GMDS: variants seen among roughly 807,000 people sequenced by gnomAD.
GMDS encodes GDP-mannose 4,6-dehydratase.
GMDS carries 20 observed loss-of-function variants against 49.9 expected under a neutral mutation model. The observed-to-expected ratio is 0.40, with a 90% CI of 0.28 to 0.58. The LOEUF (loss-of-function observed/expected upper bound fraction) is 0.58, where lower values mean the gene tolerates loss of function less well. GMDS is among the 20% of genes least tolerant of loss of function. GMDS has a pLI of 0.42. For missense variants in GMDS, 362 were observed against 481.4 expected, an observed-to-expected ratio of 0.75 and a Z score of 2.32; for synonymous variants, 177 against 178.6, an observed-to-expected ratio of 0.99 and a Z score of 0.07.
intron 7 of GMDS, among the ~76,000 whole-genome samples, chr6:1,781,104 C>T (rs564173320): frequency 4.6e-5 from 7 of 152,208 alleles, no homozygotes; most frequent in South Asian, 4.2e-4. Flanking sequence ...CGAAGGACAC[C>T]GAGAAGGCAC....
intron 1 of GMDS, among the ~76,000 whole-genome samples, chr6:2,208,474 C>T (rs1348657770): frequency 6.6e-6 from 1 of 152,166 alleles, no homozygotes; most frequent in African/African-American, 2.4e-5. Flanking sequence ...GATCGCCAGT[C>T]CATACTTTTT....
chr6:1,964,819 C>A (rs1313947801), intron 4 of GMDS, among the ~76,000 whole-genome samples: 1 of 152,114 alleles, frequency 6.6e-6, no homozygotes, highest in Non-Finnish European at 1.5e-5. Flanking sequence ...CTAAAGCTAT[C>A]CCTCCCCCTA....
At chr6:1,629,617 A>G (rs1762939329) in intron 9 of GMDS, among the ~76,000 whole-genome samples, 2 of 152,176 alleles carry the variant, frequency 1.3e-5, no homozygotes, top group South Asian at 2.1e-4. Context: ...GCAATCAGCG[A>G]CGGTGTAGAC....
chr6:2,065,630 G>A (rs996514704), intron 4 of GMDS, among the ~76,000 whole-genome samples: 13 of 152,262 alleles, frequency 8.5e-5, no homozygotes, highest in African/African-American at 3.1e-4. Context: ...GAATGCAGAA[G>A]CCTCAGGAGC....
intron 7 of GMDS, among the ~76,000 whole-genome samples, chr6:1,924,941 G>A (rs1280023399): frequency 2.2e-5 from 3 of 133,700 alleles, no homozygotes; most frequent in African/African-American, 7.7e-5. Flanking sequence ...CCGGGCGACG[G>A]CGAGACTCCG....
intron 1 of GMDS, among the ~76,000 whole-genome samples, chr6:2,133,932 G>A (rs1431644408): frequency 6.6e-6 from 1 of 152,182 alleles, no homozygotes; most frequent in Non-Finnish European, 1.5e-5. Flanking sequence ...ACTGGGGATA[G>A]GCACACCTGG....
chr6:2,142,903 G>T (rs1447069946), intron 1 of GMDS, among the ~76,000 whole-genome samples: 2 of 152,108 alleles, frequency 1.3e-5, no homozygotes, highest in Non-Finnish European at 2.9e-5. Flanking sequence ...GGCATAAGCT[G>T]CTGGTCCTTC....
At chr6:1,701,802 A>C (rs1765553018) in intron 9 of GMDS, among the ~76,000 whole-genome samples, 1 of 152,096 alleles carries the variant, frequency 6.6e-6, no homozygotes, top group African/African-American at 2.4e-5. Flanking sequence ...TATTTCTGTA[A>C]GTTTAAAGTA....
chr6:2,204,502 A>C (rs565394252), intron 1 of GMDS, among the ~76,000 whole-genome samples: 83 of 152,342 alleles, frequency 5.4e-4, no homozygotes, highest in Admixed American at 1.4e-3. Flanking sequence ...TGCATTTACA[A>C]GCTCACCTTC....
At chr6:1,843,039 G>A (rs1183296963) in intron 7 of GMDS, among the ~76,000 whole-genome samples, 1 of 151,836 alleles carries the variant, frequency 6.6e-6, no homozygotes, top group Non-Finnish European at 1.5e-5. Flanking sequence ...CCAGGAGGCG[G>A]AGGTTGCAGT....
chr6:1,797,173 T>A (rs772731161), intron 7 of GMDS, among the ~76,000 whole-genome samples: 1 of 152,212 alleles, frequency 6.6e-6, no homozygotes, highest in Non-Finnish European at 1.5e-5. Flanking sequence ...TGAACCCTAC[T>A]GTGAACTGCA....
At chr6:1,634,522 T>C (rs1480543374) in intron 9 of GMDS, among the ~76,000 whole-genome samples, 1 of 152,236 alleles carries the variant, frequency 6.6e-6, no homozygotes, top group Non-Finnish European at 1.5e-5. Flanking sequence ...TGTCTCTCTC[T>C]GGGTGTGTCT....
chr6:1,748,513 G>T (rs966021959), intron 7 of GMDS, among the ~76,000 whole-genome samples: 2 of 152,156 alleles, frequency 1.3e-5, no homozygotes, highest in Admixed American at 1.3e-4. Context: ...TTCTGTAAGG[G>T]TTTTTTTCTC....
intron 9 of GMDS, 25 bp from the exon 10 acceptor site, chr6:1,624,565 A>C: frequency 6.4e-7 from 1 of 1,566,128 alleles, no homozygotes; most frequent in Non-Finnish European, 8.8e-7. Flanking sequence ...GGGGAGACGA[A>C]GCAGGCGTGG....
intron 7 of GMDS, among the ~76,000 whole-genome samples, chr6:1,906,806 C>T (rs987933734): frequency 3.3e-5 from 5 of 152,308 alleles, no homozygotes; most frequent in South Asian, 2.1e-4. Flanking sequence ...CAGACAGAAG[C>T]GGCTGTTCCC....
chr6:2,174,801 T>A (rs1778193785), intron 1 of GMDS, among the ~76,000 whole-genome samples: 1 of 152,054 alleles, frequency 6.6e-6, no homozygotes, highest in South Asian at 2.1e-4. Context: ...ACTCCTGACC[T>A]CAAGTGATCT....
chr6:1,741,189 C>T (rs1767256399), intron 8 of GMDS, among the ~76,000 whole-genome samples: 1 of 152,134 alleles, frequency 6.6e-6, no homozygotes, highest in Admixed American at 6.5e-5. Flanking sequence ...CTGGTGACAA[C>T]ATTAAAAATT....
rs144409816 is a variant in GMDS, at chr6:1,890,122, T to C, written c.771+39981A>G. On this transcript the variant is annotated intron_variant, in intron 7 of 10. Transcript: ENST00000380815. ...AGTATGTTTTCATTTATCTTAAATA[T>C]GTGCCTTTCTTGAACACCGAGAAAC... is the stretch of plus-strand genomic sequence containing the variant. 2.4e-3 allele frequency among the ~76,000 whole-genome samples: 361 copies of C among 152,260 alleles called. 1 individual carries two copies. Among genetic ancestry groups the C allele is most frequent in the African/African-American group, 8.0e-3 (332 of 41,544 alleles).
chr6:1,993,129 A>G (rs1766059416), intron 4 of GMDS, among the ~76,000 whole-genome samples: 1 of 151,604 alleles, frequency 6.6e-6, no homozygotes, highest in South Asian at 2.1e-4. Flanking sequence ...ATGCAGTCCC[A>G]TCTCCTCTCC....
Sources: allele counts gnomAD v4.1 joint callset (sites outside exome capture counted in the v4.1 genomes callset), GRCh38; gene constraint gnomAD v4.1.1; transcripts MANE v1.5; gene names NCBI Gene and HGNC (gene_info 2026-07-23, HGNC 2026-07-21).